Variants in PTPRT observed in about 807,000 individuals in gnomAD.
PTPRT encodes the protein receptor-type tyrosine-protein phosphatase T.
In PTPRT, 56 loss-of-function variants were observed where a neutral mutation model predicts 176.8. The observed-to-expected ratio is 0.32, with a 90% confidence interval of 0.26 to 0.40. The LOEUF (loss-of-function observed/expected upper bound fraction) is 0.40. Among genes scored for constraint, PTPRT ranks in the 10% least tolerant of loss-of-function variants. PTPRT has a pLI of 1.00. For synonymous variants in PTPRT, 783 were observed against 739.0 expected (o/e 1.06, Z -0.96); for missense variants, 1,540 against 1,908.2 (o/e 0.81, Z 3.60).
At chr20:42,761,525 G>A (rs1321685924) in intron 5 of PTPRT, among the ~76,000 whole-genome samples, 1 of 152,194 alleles carries the variant, frequency 6.6e-6, no homozygotes, top group Non-Finnish European at 1.5e-5. Context: ...CTTTGGGAAT[G>A]GGGCCAGGCC....
At chr20:42,725,622 G>A (rs1203560882) in intron 6 of PTPRT, among the ~76,000 whole-genome samples, 1 of 152,040 alleles carries the variant, frequency 6.6e-6, no homozygotes, top group Non-Finnish European at 1.5e-5. Flanking sequence ...TATTGCTGCA[G>A]TAGCAAAGTT....
At chr20:43,170,732 T>TA (rs2014977223) in intron 1 of PTPRT, among the ~76,000 whole-genome samples, 1 of 152,172 alleles carries the variant, frequency 6.6e-6, no homozygotes, top group Admixed American at 6.5e-5. Flanking sequence ...AACATCACAG[T>TA]AATTTGCCCA....
chr20:42,598,539 G>C (rs532466585), intron 7 of PTPRT, among the ~76,000 whole-genome samples: 1 of 152,168 alleles, frequency 6.6e-6, no homozygotes, highest in Non-Finnish European at 1.5e-5. Flanking sequence ...AATTTTAATA[G>C]AGGCTAGATA....
At chr20:42,315,605 G>C in intron 12 of PTPRT, 118 bp downstream of exon 12, 1 of 1,187,786 alleles carries the variant, frequency 8.4e-7, no homozygotes, top group Non-Finnish European at 1.2e-6. Flanking sequence ...GCATGAGGTA[G>C]GATTTGCCCC....
chr20:42,475,571 A>G (rs2071274769), intron 7 of PTPRT, among the ~76,000 whole-genome samples: 1 of 152,214 alleles, frequency 6.6e-6, no homozygotes, highest in South Asian at 2.1e-4. Flanking sequence ...AATATGAGGC[A>G]TGTCGCCTTC....
At chr20:42,320,695 T>A (rs963875220) in intron 11 of PTPRT, among the ~76,000 whole-genome samples, 4 of 152,226 alleles carry the variant, frequency 2.6e-5, no homozygotes, top group African/African-American at 9.6e-5. Flanking sequence ...GGGTGTGATA[T>A]CAGGCAAAGT....
chr20:42,173,677 T>C (rs552995528), intron 16 of PTPRT, among the ~76,000 whole-genome samples: 2 of 152,182 alleles, frequency 1.3e-5, no homozygotes, highest in Admixed American at 6.6e-5. Flanking sequence ...CCTTAACCAC[T>C]TAGTGATCAA....
chr20:42,774,956 C>T (rs1036395365), intron 4 of PTPRT, among the ~76,000 whole-genome samples: 4 of 152,178 alleles, frequency 2.6e-5, no homozygotes, highest in African/African-American at 9.6e-5. Context: ...GCTCATCAGC[C>T]GCAAGCTCTC....
At chr20:42,669,188 TC>T (rs1181259602) in intron 7 of PTPRT, among the ~76,000 whole-genome samples, 1 of 152,110 alleles carries the variant, frequency 6.6e-6, no homozygotes, top group African/African-American at 2.4e-5. Flanking sequence ...GAACCCTTTC[TC>T]CACATCTTTT....
At chr20:43,076,605 TC>T (rs977166335) in intron 1 of PTPRT, among the ~76,000 whole-genome samples, 6 of 152,084 alleles carry the variant, frequency 3.9e-5, no homozygotes, top group African/African-American at 7.2e-5. Flanking sequence ...TGTTCTCAAC[TC>T]CGGAACTCAG....
chr20:42,203,842 A>G (rs57580734), intron 15 of PTPRT, among the ~76,000 whole-genome samples: 1,528 of 152,332 alleles, frequency 0.01, 24 homozygotes, highest in African/African-American at 0.035. Context: ...CTGGCAGCAG[A>G]TCAGGGAGGG....
chr20:42,621,891 A>AGGCTGAGTGATG (rs138276104), intron 7 of PTPRT, among the ~76,000 whole-genome samples: 31,124 of 151,874 alleles, frequency 0.2, 4,358 homozygotes, highest in African/African-American at 0.4. Flanking sequence ...TAATAGCAGT[A>AGGCTGAGTGATG]GGCTGAGTGA....
At chr20:42,983,936 C>T (rs963094459) in intron 1 of PTPRT, among the ~76,000 whole-genome samples, 6 of 152,224 alleles carry the variant, frequency 3.9e-5, no homozygotes, top group Non-Finnish European at 8.8e-5. Context: ...TTCTTCCAAT[C>T]AGACAACTCC....
chr20:42,207,364 A>T (rs2055498886), intron 15 of PTPRT, among the ~76,000 whole-genome samples: 1 of 147,592 alleles, frequency 6.8e-6, no homozygotes, highest in Non-Finnish European at 1.5e-5. Flanking sequence ...AGGACATTCA[A>T]ACCAAAGGCA....
At chr20:42,675,060 C>T (rs1251405421) in intron 7 of PTPRT, among the ~76,000 whole-genome samples, 1 of 152,178 alleles carries the variant, frequency 6.6e-6, no homozygotes, top group Non-Finnish European at 1.5e-5. Flanking sequence ...CACACAGTTC[C>T]AACCCCTACC....
intron 18 of PTPRT, among the ~76,000 whole-genome samples, chr20:42,129,865 T>G (rs1988044198): frequency 6.6e-6 from 1 of 152,240 alleles, no homozygotes; most frequent in African/African-American, 2.4e-5. Flanking sequence ...TATGCCTTAT[T>G]CCCTGTTCCA....
intron 7 of PTPRT, among the ~76,000 whole-genome samples, chr20:42,584,414 C>G (rs1227105372): frequency 6.6e-6 from 1 of 152,170 alleles, no homozygotes; most frequent in East Asian, 1.9e-4. Flanking sequence ...TTTGCACTTC[C>G]TTTCCCCTCT....
intron 14 of PTPRT, among the ~76,000 whole-genome samples, chr20:42,242,587 G>T (rs887590419): frequency 1.3e-5 from 2 of 152,146 alleles, no homozygotes; most frequent in African/African-American, 4.8e-5. Context: ...GGTAATAGCT[G>T]GTCACATGGA....
At position 42,352,181 on chromosome 20, in the gene PTPRT, A is replaced by G. The variant is rs200669723; in HGVS notation, c.1665T>C (p.Gly555=). 67 of 1,614,164 alleles carry G rather than the reference A, an allele frequency of 4.2e-5. No homozygotes were observed. In the African/African-American group the frequency reaches 6.9e-4, roughly 17 times the overall value. ...AGGAATAGGTGGTCCCTGGGTACAGACCCACAAAGAGGTGGTGGGTTTCAT... is the reference window on the plus strand; with the variant it reads ...AGGAATAGGTGGTCCCTGGGTACAGGCCCACAAAGAGGTGGTGGGTTTCAT... ...LRNETHHLFV[G]LYPGTTYSFT... Residue 555 remains glycine, a synonymous_variant, in exon 10 of 31, where the codon GGT becomes GGC. Transcript: ENST00000373187.
Sources: gnomAD v4.1 joint callset for allele counts (sites outside exome capture counted in the v4.1 genomes callset) on GRCh38, gnomAD v4.1.1 for gene constraint, MANE v1.5 for transcripts, NCBI Gene and HGNC (gene_info 2026-07-23, HGNC 2026-07-21) for gene names.